Variants in SGK3 observed in about 807,000 individuals in gnomAD.
The protein encoded by SGK3 is serine/threonine-protein kinase Sgk3.
In SGK3, 47 loss-of-function variants were observed where a neutral mutation model predicts 68.5. The ratio of observed to expected loss-of-function variants is 0.69; its 90% CI spans 0.54 to 0.87. The LOEUF (loss-of-function observed/expected upper bound fraction) is 0.87, where lower values mean the gene tolerates loss of function less well. SGK3 is among the 40% of genes least tolerant of loss of function. The pLI is 0.00. For missense variants in SGK3, 479 were observed against 575.5 expected (o/e 0.83, Z 1.72); for synonymous variants, 181 against 189.1 (o/e 0.96, Z 0.35).
At chr8:66,838,085 G>C (rs1453293321) in intron 10 of SGK3, among the ~76,000 whole-genome samples, 2 of 151,898 alleles carry the variant, frequency 1.3e-5, no homozygotes, top group Non-Finnish European at 2.9e-5. Context: ...TTTATTTATT[G>C]AGACGGAGTC....
At chr8:66,816,717 A>G (rs1808598127) in intron 5 of SGK3, among the ~76,000 whole-genome samples, 1 of 152,178 alleles carries the variant, frequency 6.6e-6, no homozygotes, top group Non-Finnish European at 1.5e-5. Flanking sequence ...TTGAACATCA[A>G]GCTGTTCTTA....
At chr8:66,851,542 A>C (rs891502898) in intron 16 of SGK3, among the ~76,000 whole-genome samples, 12 of 152,208 alleles carry the variant, frequency 7.9e-5, no homozygotes, top group Middle Eastern at 3.4e-3. Flanking sequence ...AAAAAAAAAA[A>C]AACAGGTATA....
chr8:66,806,498 C>T (rs764289543), intron 4 of SGK3, among the ~76,000 whole-genome samples: 16 of 152,070 alleles, frequency 1.1e-4, no homozygotes, highest in Non-Finnish European at 2.2e-4. Context: ...GTTTTCGCAG[C>T]GGAACACTTT....
At chr8:66,778,158 G>A (rs1325075445) in intron 1 of SGK3, 1 of 152,174 alleles carries the variant, frequency 6.6e-6, no homozygotes, top group African/African-American at 2.4e-5. Flanking sequence ...ATTTAGCACA[G>A]TCTACTTTGA....
chr8:66,806,452 T>C (rs978738239), intron 4 of SGK3, among the ~76,000 whole-genome samples: 1 of 152,186 alleles, frequency 6.6e-6, no homozygotes, highest in African/African-American at 2.4e-5. Flanking sequence ...AGCCAGATTA[T>C]ATTCTGTAGA....
At chr8:66,717,734 C>T (rs981256387) in intron 1 of SGK3, among the ~76,000 whole-genome samples, 9 of 151,928 alleles carry the variant, frequency 5.9e-5, no homozygotes, top group African/African-American at 1.7e-4. Context: ...GACAGAATCT[C>T]GCTGTCTTGC....
intron 10 of SGK3, among the ~76,000 whole-genome samples, chr8:66,839,418 A>C (rs1260611011): frequency 6.9e-6 from 1 of 144,096 alleles, no homozygotes; most frequent in Non-Finnish European, 1.5e-5. Context: ...TTTACCCCCA[A>C]ATTCCCAGTT....
intron 1 of SGK3, among the ~76,000 whole-genome samples, chr8:66,764,975 AT>A (rs1171361086): frequency 6.6e-6 from 1 of 152,138 alleles, no homozygotes; most frequent in East Asian, 1.9e-4. Context: ...CACATGGGTT[AT>A]TTTCACCTCT....
intron 8 of SGK3, among the ~76,000 whole-genome samples, chr8:66,832,209 A>G (rs930646933): frequency 6.6e-6 from 1 of 152,224 alleles, no homozygotes; most frequent in African/African-American, 2.4e-5. Flanking sequence ...ACTTGACAGT[A>G]TAGCCATACC....
chr8:66,804,386 G>A lies in SGK3; in HGVS notation c.192G>A (p.Gln64=). 1.2e-6 allele frequency: 2 copies of A among 1,609,180 alleles called. No individual in the cohort carries two copies. The highest frequency in any genetic ancestry group is 1.7e-6 in the Non-Finnish European group (2 of 1,178,764). Residue 64 remains glutamine, a synonymous_variant, in exon 4 of 17, where the codon CAG becomes CAA. Transcript: ENST00000521198. ...TTTAAAAATTTTAGTTAAAAAAACA[G>A]TTTCCTGCTATGGCCCTGAAGATTC... The part of the protein sequence containing the change: ...FDKLYNTLKK[Q]FPAMALKIPA...
chr8:66,835,805 G>A lies in SGK3; in HGVS notation c.568G>A (p.Val190Ile). ...GAAACTGGATGGAAAATTTTATGCT[G>A]TCAAAGTGTTACAGAAAAAAATAGT... ...KRKLDGKFYAVKVLQKKIVLN... is the reference protein window; with the variant it reads ...KRKLDGKFYAIKVLQKKIVLN... The change falls in exon 9 of 17, where the codon GTC becomes ATC. Residue 190 changes from valine (V) to isoleucine (I), a missense_variant. Around this residue, in one of 3 missense-constraint regions of SGK3, gnomAD observed 298 missense variants for 329.4 expected, o/e 0.90. Coordinates refer to ENST00000521198, the MANE Select transcript of SGK3 (RefSeq NM_001033578.3). 1 of 1,612,386 alleles carries A rather than the reference G, an allele frequency of 6.2e-7. No individual in the cohort carries two copies. Among genetic ancestry groups the A allele is most frequent in the East Asian group, 2.2e-5 (1 of 44,782 alleles).
At chr8:66,791,545 C>T (rs970866878) in intron 1 of SGK3, among the ~76,000 whole-genome samples, 1 of 152,202 alleles carries the variant, frequency 6.6e-6, no homozygotes, top group Admixed American at 6.5e-5. Flanking sequence ...CATCTCTTTC[C>T]TTCTCCTTTA....
At chr8:66,751,856 C>A (rs1805827904) in intron 1 of SGK3, among the ~76,000 whole-genome samples, 1 of 151,956 alleles carries the variant, frequency 6.6e-6, no homozygotes, top group South Asian at 2.1e-4. Flanking sequence ...ACCTCCGACT[C>A]CCGGGTTCAA....
chr8:66,834,852 A>G (rs533481865), intron 8 of SGK3, among the ~76,000 whole-genome samples: 1 of 150,580 alleles, frequency 6.6e-6, no homozygotes, highest in Non-Finnish European at 1.5e-5. Flanking sequence ...AGGCAGGAGA[A>G]TGGTGTGAAC....
chr8:66,859,588 T>C lies in SGK3; in HGVS notation c.*7T>C. The C allele has an allele frequency of 6.2e-7, 1 of 1,605,754 alleles. No homozygotes were observed. Among genetic ancestry groups the C allele is most frequent in the Non-Finnish European group, 8.5e-7 (1 of 1,174,398 alleles). ...AGAAGACTTATTTTTGTGAGCAGTT[T>C]GCCATTCAGAAACCATTGAGCAAAA... On this transcript the variant is annotated 3_prime_UTR_variant, in exon 17 of 17. Transcript: ENST00000521198.
chr8:66,779,563 T>TG (rs1447529267), intron 1 of SGK3, among the ~76,000 whole-genome samples: 59 of 27,426 alleles, frequency 2.2e-3, no homozygotes, highest in Non-Finnish European at 4.1e-3. Context: ...TGTGTGTGAA[T>TG]ATATATATAT....
intron 6 of SGK3, 118 bp from the exon 7 acceptor site, chr8:66,828,532 GTTTC>G: frequency 7.3e-7 from 1 of 1,375,004 alleles, no homozygotes; most frequent in Non-Finnish European, 1.0e-6. Context: ...AGGACTTTGG[GTTTC>G]TTTAACATGG....
chr8:66,755,448 T>C (rs1326465067), intron 1 of SGK3, among the ~76,000 whole-genome samples: 1 of 152,166 alleles, frequency 6.6e-6, no homozygotes. Flanking sequence ...AGGTGTGGAA[T>C]ATTCCACTTG....
chr8:66,787,697 C>T (rs1807267392), intron 1 of SGK3, among the ~76,000 whole-genome samples: 1 of 152,220 alleles, frequency 6.6e-6, no homozygotes, highest in African/African-American at 2.4e-5. Context: ...GTCATCTTGA[C>T]CACATGATTA....
Sources: allele counts gnomAD v4.1 joint callset (sites outside exome capture counted in the v4.1 genomes callset), GRCh38; gene constraint gnomAD v4.1.1; regional missense constraint gnomAD v4.1.1; transcripts MANE v1.5; gene names NCBI Gene and HGNC (gene_info 2026-07-23, HGNC 2026-07-21).